The following PADI6 variants were observed in gnomAD, a reference collection of about 807,000 sequenced individuals.
The protein encoded by PADI6 is peptidyl arginine deiminase 6.
Under a neutral mutation model 78.2 loss-of-function variants are expected in PADI6, and 66 were observed. That is an observed-to-expected ratio of 0.84 (90% confidence interval 0.69 to 1.04). The LOEUF (loss-of-function observed/expected upper bound fraction) is 1.04, where lower values mean the gene tolerates loss of function less well. Among genes scored for constraint, PADI6 ranks in the 50% least tolerant of loss-of-function variants. The pLI is 0.00. For missense variants in PADI6, 854 were observed against 866.1 expected (o/e 0.99, Z 0.18); for synonymous variants, 397 against 346.9 (o/e 1.14, Z -1.60).
intron 2 of PADI6, 51 bp from the exon 3 acceptor site, chr1:17,375,376 T>C: frequency 6.6e-7 from 1 of 1,526,376 alleles, no homozygotes; most frequent in Non-Finnish European, 9.0e-7. Flanking sequence ...GCTCTGTTCC[T>C]GGCACCTCCC....
intron 6 of PADI6, among the ~76,000 whole-genome samples, chr1:17,388,114 G>A (rs557516646): frequency 1.1e-4 from 16 of 152,018 alleles, no homozygotes; most frequent in African/African-American, 3.9e-4. Flanking sequence ...AGCCTTGAAG[G>A]CATCATCACC....
intron 13 of PADI6, among the ~76,000 whole-genome samples, chr1:17,396,140 C>T (rs1267774918): frequency 6.6e-6 from 1 of 152,054 alleles, no homozygotes; most frequent in African/African-American, 2.4e-5. Flanking sequence ...AACCCCAGCA[C>T]TTTGGGAGGC....
intron 15 of PADI6, 113 bp downstream of exon 15, chr1:17,398,960 G>T (rs1214261829): frequency 5.2e-6 from 6 of 1,153,940 alleles, no homozygotes; most frequent in Non-Finnish European, 7.3e-6. Flanking sequence ...CGGTACCTAT[G>T]AGGAAATGGG....
At chr1:17,379,111 A>ATTTTTTTTTTTT (rs144547124) in intron 3 of PADI6, among the ~76,000 whole-genome samples, 10 of 100,844 alleles carry the variant, frequency 9.9e-5, no homozygotes, top group African/African-American at 4.0e-4. Context: ...TGCCCAGTTA[A>ATTTTTTTTTTTT]TTTTTTTTTT....
At chr1:17,395,802 G>A (rs1027160837) in intron 13 of PADI6, 139 bp downstream of exon 13, 16 of 1,191,992 alleles carry the variant, frequency 1.3e-5, no homozygotes, top group Admixed American at 5.6e-5. Context: ...ATATTAGAAC[G>A]TCTTATTTCT....
intron 13 of PADI6, among the ~76,000 whole-genome samples, chr1:17,396,204 G>A (rs941889567): frequency 3.9e-5 from 6 of 152,158 alleles, no homozygotes; most frequent in African/African-American, 1.2e-4. Flanking sequence ...TGGCCAACAT[G>A]ACGAAAGCCC....
intron 12 of PADI6, 142 bp downstream of exon 12, chr1:17,395,249 G>C: frequency 8.3e-7 from 1 of 1,207,654 alleles, no homozygotes; most frequent in South Asian, 1.6e-5. Context: ...TGTCACCCAG[G>C]CTGGAGTGCA....
intron 3 of PADI6, among the ~76,000 whole-genome samples, chr1:17,376,779 A>T (rs910713024): frequency 7.2e-5 from 11 of 152,108 alleles, no homozygotes; most frequent in African/African-American, 2.7e-4. Context: ...AATCTTCTCA[A>T]ATTAGACACC....
intron 6 of PADI6, among the ~76,000 whole-genome samples, chr1:17,382,331 A>G (rs2075080470): frequency 6.6e-6 from 1 of 152,206 alleles, no homozygotes; most frequent in Admixed American, 6.5e-5. Context: ...CTCCACTTGT[A>G]AAATGGGGGT....
intron 6 of PADI6, among the ~76,000 whole-genome samples, chr1:17,387,159 T>C (rs1356950113): frequency 6.6e-6 from 1 of 152,130 alleles, no homozygotes; most frequent in African/African-American, 2.4e-5. Flanking sequence ...ATGAATGGAC[T>C]TGGGCTGGGC....
At position 17,375,436 on chromosome 1, in the gene PADI6, A is replaced by T. The variant is rs2075005603; in HGVS notation, c.304A>T (p.Thr102Ser). 6.2e-7 allele frequency: 1 copy of T among 1,611,278 alleles called. No individual in the cohort carries two copies. Among genetic ancestry groups the T allele is most frequent in the Admixed American group, 1.7e-5 (1 of 59,698 alleles). ...PSVDADKVSV[T>S]YYGPNEDAPV... The stretch of plus-strand genomic sequence containing the variant: ...GATGCTGTCTCCACAGGTCTCGGTC[A>T]CATACTATGGGCCCAACGAGGATGC... Residue 102 changes from threonine to serine, a missense_variant, in exon 3 of 16, where the codon ACA becomes TCA. Thr to Ser is a moderately conservative substitution (Grantham distance 58). Coordinates refer to ENST00000619609, the MANE Select transcript of PADI6 (RefSeq NM_207421.4).
rs144547124 is a variant in PADI6 at position 17,379,111 on chromosome 1, A to ATTTTTTTTTTTTTTTTTTT, written c.368-806_368-788dup. On this transcript the variant is annotated intron_variant, in intron 3 of 15. Coordinates refer to ENST00000619609, the MANE Select transcript of PADI6 (RefSeq NM_207421.4). ...AGGTACCCTCCACCATGCCCAGTTA[A>ATTTTTTTTTTTTTTTTTTT]TTTTTTTTTTTTTTTTTTTTTAAGA... 3.6e-4 allele frequency among the ~76,000 whole-genome samples: 36 copies of ATTTTTTTTTTTTTTTTTTT among 100,808 alleles called. 2 individuals are homozygous for ATTTTTTTTTTTTTTTTTTT. Among genetic ancestry groups the ATTTTTTTTTTTTTTTTTTT allele is most frequent in the African/African-American group, 2.0e-3 (35 of 17,326 alleles). 66.1% of individuals were successfully genotyped at this position (100,808 alleles called of 152,430 possible).
At chr1:17,395,146 G>A in intron 12 of PADI6, 39 bp downstream of exon 12, 1 of 1,568,542 alleles carries the variant, frequency 6.4e-7, no homozygotes, top group Admixed American at 1.9e-5. Flanking sequence ...TCTGACCCTT[G>A]CCTTCTGTTG....
chr1:17,384,252 CAA>C (rs1426712710), intron 6 of PADI6, among the ~76,000 whole-genome samples: 3 of 152,066 alleles, frequency 2.0e-5, no homozygotes, highest in East Asian at 1.9e-4. Flanking sequence ...AAAGATACAG[CAA>C]AAGAGTCTGA....
chr1:17,392,981 T>TA lies in PADI6; in HGVS notation c.1074+763dup, dbSNP rs569517437. 1.8e-3 allele frequency among the ~76,000 whole-genome samples: 275 copies of TA among 151,988 alleles called. 1 individual carries two copies. The highest frequency in any genetic ancestry group is 5.7e-3 in the African/African-American group (237 of 41,420). ...AAACATGGCAAAATACTGTCTCTAC[T>TA]AAAAAAATACAAAAATCAGCCGGGC... is the stretch of plus-strand genomic sequence containing the variant. On this transcript the variant is annotated intron_variant, in intron 9 of 15. Coordinates refer to ENST00000619609, the MANE Select transcript of PADI6 (RefSeq NM_207421.4).
intron 11 of PADI6, 40 bp from the exon 12 acceptor site, chr1:17,394,911 C>A (rs76550244): frequency 6.5e-7 from 1 of 1,538,812 alleles, no homozygotes; most frequent in East Asian, 2.4e-5. Flanking sequence ...AGCCCTGGGC[C>A]ACACTGGCTC....
At chr1:17,374,744 C>A (rs188631128) in intron 2 of PADI6, among the ~76,000 whole-genome samples, 18 of 152,314 alleles carry the variant, frequency 1.2e-4, no homozygotes, top group Admixed American at 3.9e-4. Flanking sequence ...GAGTGGCCAA[C>A]AAAGAACCTT....
At chr1:17,383,574 G>A (rs983183743) in intron 6 of PADI6, among the ~76,000 whole-genome samples, 7 of 152,366 alleles carry the variant, frequency 4.6e-5, no homozygotes, top group East Asian at 1.9e-4. Context: ...CAGGCTGGGC[G>A]TGGTGGCTCA....
chr1:17,396,932 T>A (rs2075252493), intron 13 of PADI6, 139 bp from the exon 14 acceptor site: 1 of 739,712 alleles, frequency 1.4e-6, no homozygotes, highest in Admixed American at 2.3e-5. Flanking sequence ...GTGTGATCCC[T>A]GGAGATAGGC....
Sources: allele counts gnomAD v4.1 joint callset (sites outside exome capture counted in the v4.1 genomes callset), GRCh38; gene constraint gnomAD v4.1.1; transcripts MANE v1.5; gene names NCBI Gene and HGNC (gene_info 2026-07-23, HGNC 2026-07-21).